Variants in RASGRP2 observed in about 807,000 individuals in gnomAD.
RASGRP2 encodes RAS guanyl releasing protein 2.
RASGRP2 carries 44 observed loss-of-function variants against 71.0 expected under a neutral mutation model. That is an observed-to-expected ratio of 0.62 (90% CI 0.49 to 0.80). The LOEUF (loss-of-function observed/expected upper bound fraction) is 0.80. RASGRP2 is among the 30% of genes least tolerant of loss of function. RASGRP2 has a pLI of 0.00. For synonymous variants in RASGRP2, 350 were observed against 330.7 expected (o/e 1.06, Z -0.63); for missense variants, 663 against 813.4 (o/e 0.82, Z 2.25).
chr11:64,733,566 C>T (rs1189752771), intron 12 of RASGRP2, among the ~76,000 whole-genome samples: 2 of 152,122 alleles, frequency 1.3e-5, no homozygotes, highest in Non-Finnish European at 2.9e-5. Flanking sequence ...CACCCACCAA[C>T]CCAGGGAGAA....
intron 3 of RASGRP2, among the ~76,000 whole-genome samples, chr11:64,741,727 A>C (rs1369783071): frequency 6.6e-6 from 1 of 151,950 alleles, no homozygotes; most frequent in Non-Finnish European, 1.5e-5. Flanking sequence ...GGAGAGAGAG[A>C]TGCACGGGGC....
Position 64,736,868 on chromosome 11 carries a change from G to C in RASGRP2, c.980C>G (p.Thr327Ser), listed in dbSNP as rs1272705632. ...ALPDWLDPAR[T>S]RLNGAKMKQL... is the part of the protein sequence containing the mutation. Reference sequence around the variant, plus strand: ...CTTCATCTTGGCCCCGTTGAGCCGGGTCCGGGCTGGGTCCAGCCAGTCAGG... The same window carrying C: ...CTTCATCTTGGCCCCGTTGAGCCGGCTCCGGGCTGGGTCCAGCCAGTCAGG... The change falls in exon 9 of 17, where the codon ACC becomes AGC. Residue 327 changes from threonine (T) to serine (S), a missense_variant. Transcript: ENST00000394432. 2 of 1,613,762 alleles carry C rather than the reference G, an allele frequency of 1.2e-6. No homozygotes were observed. Among genetic ancestry groups the C allele is most frequent in the Non-Finnish European group, 1.7e-6 (2 of 1,180,024 alleles).
In RASGRP2 at chr11:64,739,767, C is replaced by T. The variant is rs2058060461; in HGVS notation, c.565G>A (p.Asp189Asn). The T allele has an allele frequency of 6.2e-7, 1 of 1,613,910 alleles. No individual in the cohort carries two copies. Among genetic ancestry groups the T allele is most frequent in the South Asian group, 1.1e-5 (1 of 91,088 alleles). Residue 189 changes from aspartate to asparagine, a missense_variant, in exon 7 of 17, where the codon GAC becomes AAC. By Grantham distance (23) the Asp-to-Asn change is conservative (BLOSUM62 1). Transcript: ENST00000394432. The surrounding 1 kb of genome is among the most constrained non-coding windows in gnomAD (Gnocchi z 4.2). The part of the protein sequence containing the change: ...HSFVTHGCTV[D>N]NPVLERFISL... ...ATGAACCGCTCCAGGACGGGGTTGTCCACAGTGCAGCCATGAGTCACGAAA... is the reference window on the plus strand; with the variant it reads ...ATGAACCGCTCCAGGACGGGGTTGTTCACAGTGCAGCCATGAGTCACGAAA...
Position 64,727,288 on chromosome 11 carries a change from G to A in RASGRP2, c.*6+8C>T, listed in dbSNP as rs773976577. The A allele has an allele frequency of 1.9e-6, 3 of 1,613,126 alleles. No homozygotes were observed. The East Asian group carries it at 6.7e-5, about 36-fold the overall frequency. ...GGGAGCTCTGGTGCCAGCTGTGGGAGGACTCACCATCTATTACAAGTGGAT... is the reference window on the plus strand; with the variant it reads ...GGGAGCTCTGGTGCCAGCTGTGGGAAGACTCACCATCTATTACAAGTGGAT... On this transcript the variant is annotated splice_region_variant and intron_variant, in intron 16 of 16. Coordinates refer to ENST00000394432, the MANE Select transcript of RASGRP2 (RefSeq NM_001098671.2).
In RASGRP2 at chr11:64,742,835, C is replaced by G. The variant is rs759488586; in HGVS notation, c.32G>C (p.Cys11Ser). ...CCCGCGGAGCAGCTCCTCCACCGTG[C>G]AGCCCTTGTCCAGGTCCAGGGTGCC... MAGTLDLDKG[C>S]TVEELLRGCI... The change falls in exon 2 of 17, where the codon TGC becomes TCC. Residue 11 changes from cysteine to serine, a missense_variant. Cys to Ser is a moderately radical substitution (Grantham distance 112, BLOSUM62 -1). Coordinates refer to ENST00000394432, the MANE Select transcript of RASGRP2 (RefSeq NM_001098671.2). This position sits in a 1 kb window ranked among gnomAD's most constrained non-coding sequence, Gnocchi z 4.7. 18 of 1,606,872 alleles carry G rather than the reference C, an allele frequency of 1.1e-5. No individual in the cohort carries two copies. In the South Asian group the frequency reaches 2.0e-4, roughly 18 times the overall value.
At chr11:64,741,356 G>A (rs2058115102) in intron 4 of RASGRP2, 83 bp downstream of exon 4, 3 of 1,407,484 alleles carry the variant, frequency 2.1e-6, no homozygotes, top group Admixed American at 2.0e-5. Context: ...CAGAAACAGC[G>A]CCCTGCCCCC....
Position 64,736,610 on chromosome 11 carries a change from T to C in RASGRP2, c.1095+143A>G, listed in dbSNP as rs2057945430. ...CCAGAGCCTGGACCCCTTCTCAGCA[T>C]CCACTCCAAACCCCAGAGCCCACGC... On this transcript the variant is annotated intron_variant, in intron 9 of 16. Coordinates refer to ENST00000394432, the MANE Select transcript of RASGRP2 (RefSeq NM_001098671.2). 3 of 901,824 alleles carry C rather than the reference T, an allele frequency of 3.3e-6. No homozygotes were observed. The South Asian group carries it at 4.8e-5, about 15-fold the overall frequency. 55.9% of individuals were successfully genotyped at this position (901,824 alleles called of 1,614,324 possible).
At chr11:64,732,133 A>G (rs983697676) in intron 12 of RASGRP2, among the ~76,000 whole-genome samples, 2 of 152,238 alleles carry the variant, frequency 1.3e-5, no homozygotes, top group Non-Finnish European at 2.9e-5. Context: ...ATGAATCCAC[A>G]TGGAAAGATG....
chr11:64,727,633 C>T (rs2057614163), intron 15 of RASGRP2, among the ~76,000 whole-genome samples: 1 of 151,896 alleles, frequency 6.6e-6, no homozygotes, highest in Non-Finnish European at 1.5e-5. Context: ...GTGCCTCAGC[C>T]TCCCAAGTAG....
chr11:64,742,896 G>C lies in RASGRP2; in HGVS notation c.-30C>G. On this transcript the variant is annotated 5_prime_UTR_variant, in exon 2 of 17. Coordinates refer to ENST00000394432, the MANE Select transcript of RASGRP2 (RefSeq NM_001098671.2). The surrounding 1 kb of genome is among the most constrained non-coding windows in gnomAD (Gnocchi z 4.7). ...GCCGGCGCGGGGTGGGCTGGGCCCA[G>C]GCTGCGCTCCGGGAGCCTCCCACCG... 1.3e-6 allele frequency: 2 copies of C among 1,563,306 alleles called. No homozygotes were observed. Among genetic ancestry groups the C allele is most frequent in the Non-Finnish European group, 1.7e-6 (2 of 1,158,996 alleles).
At chr11:64,727,418 C>A in intron 15 of RASGRP2, 58 bp from the exon 16 acceptor site, 1 of 1,548,920 alleles carries the variant, frequency 6.5e-7, no homozygotes, top group Non-Finnish European at 8.9e-7. Context: ...CTTCATCAAC[C>A]CTTCCCCTCT....
Position 64,728,946 on chromosome 11 carries a change from G to A in RASGRP2, c.1688C>T (p.Ser563Leu). The part of the protein sequence containing the change: ...QSVSLEGSAP[S>L]PSPMHSHHHR... ...ATGGTGGCTGTGCATGGGTGAGGGT[G>A]AGGGTGCAGACCCCTCCAGGCTCAC... The change falls in exon 15 of 17, where the codon TCA becomes TTA. Residue 563 changes from serine (S) to leucine (L), a missense_variant. Physicochemically the swap from Ser to Leu is moderately radical, Grantham distance 145. Coordinates refer to ENST00000394432, the MANE Select transcript of RASGRP2 (RefSeq NM_001098671.2). 1.9e-6 allele frequency: 3 copies of A among 1,612,768 alleles called. No homozygotes were observed. The highest frequency in any genetic ancestry group is 2.5e-6 in the Non-Finnish European group (3 of 1,179,864).
At position 64,740,558 on chromosome 11, in the gene RASGRP2, C is replaced by T. The variant is rs147255106; in HGVS notation, c.371+390G>A. The T allele has an allele frequency of 5.2e-4, 339 of 651,820 alleles. 1 individual carries two copies. Among genetic ancestry groups the T allele is most frequent in the African/African-American group, 4.7e-3 (266 of 56,118 alleles). The allele number at this position is 651,820 out of a possible 1,614,324, so 40.4% of individuals were successfully genotyped here. A position where few individuals can be genotyped will look rare whatever the true frequency, so the allele number is the denominator to read the frequency against. On this transcript the variant is annotated intron_variant, in intron 5 of 16. Coordinates refer to ENST00000394432, the MANE Select transcript of RASGRP2 (RefSeq NM_001098671.2). ...GTGCCATGGAAAACAGAGGTGGGAA[C>T]GACAAATTCTACCCCGGAAGAGCCC...
intron 15 of RASGRP2, among the ~76,000 whole-genome samples, chr11:64,728,496 C>T (rs2057647248): frequency 6.6e-6 from 1 of 151,834 alleles, no homozygotes; most frequent in Non-Finnish European, 1.5e-5. Flanking sequence ...GGCGCGATCT[C>T]GGCTCACTGC....
chr11:64,737,793 C>T (rs1017743892), intron 8 of RASGRP2, among the ~76,000 whole-genome samples: 1 of 151,904 alleles, frequency 6.6e-6, no homozygotes, highest in African/African-American at 2.4e-5. Context: ...GTGGCTCACA[C>T]CTGTAATCCC....
At chr11:64,731,859 G>T (rs1290235992) in intron 12 of RASGRP2, among the ~76,000 whole-genome samples, 1 of 152,172 alleles carries the variant, frequency 6.6e-6, no homozygotes. Flanking sequence ...GTACAACCTT[G>T]TCTGAGGTCA....
At position 64,739,447 on chromosome 11, in the gene RASGRP2, C is replaced by T. The variant is rs1489232566; in HGVS notation, c.726G>A (p.Thr242=). 6.8e-6 allele frequency: 11 copies of T among 1,614,010 alleles called. No individual in the cohort carries two copies. Among genetic ancestry groups the T allele is most frequent in the Non-Finnish European group, 6.8e-6 (8 of 1,180,032 alleles). Residue 242 remains threonine (T), a synonymous_variant, in exon 8 of 17, where the codon ACG becomes ACA. Coordinates refer to ENST00000394432, the MANE Select transcript of RASGRP2 (RefSeq NM_001098671.2). This position sits in a 1 kb window ranked among gnomAD's most constrained non-coding sequence, Gnocchi z 4.2. Reference sequence around the variant, plus strand: ...TCAGGCCCCCGACCACTGCCATCAGCGTGTTGAAGTTCTGCAGCTGTAGCA... The same window carrying T: ...TCAGGCCCCCGACCACTGCCATCAGTGTGTTGAAGTTCTGCAGCTGTAGCA... The part of the protein sequence containing the change: ...EKLLQLQNFN[T]LMAVVGGLSH...
At chr11:64,731,055 G>A (rs1275474111) in intron 12 of RASGRP2, among the ~76,000 whole-genome samples, 1 of 152,090 alleles carries the variant, frequency 6.6e-6, no homozygotes, top group African/African-American at 2.4e-5. Context: ...AGGATAACTG[G>A]CTATCTGAAA....
At position 64,742,666 on chromosome 11, in the gene RASGRP2, A is replaced by T; in HGVS notation, c.73+128T>A. ...GTTGCGGAGGAGGCTTTCGTTAAAG[A>T]GACTGCACGCTGCGGAGCAGGGTGG... On this transcript the variant is annotated intron_variant, in intron 2 of 16. Coordinates refer to ENST00000394432, the MANE Select transcript of RASGRP2 (RefSeq NM_001098671.2). The surrounding 1 kb of genome is among the most constrained non-coding windows in gnomAD (Gnocchi z 4.7). 4 of 1,266,494 alleles carry T rather than the reference A, an allele frequency of 3.2e-6. No homozygotes were observed. Among genetic ancestry groups the T allele is most frequent in the Non-Finnish European group, 4.5e-6 (4 of 897,694 alleles). 78.5% of individuals were successfully genotyped at this position (1,266,494 alleles called of 1,614,324 possible). A position where few individuals can be genotyped will look rare whatever the true frequency, so the allele number is the denominator to read the frequency against.
Sources: gnomAD v4.1 joint callset for allele counts (sites outside exome capture counted in the v4.1 genomes callset) on GRCh38, gnomAD v4.1.1 for gene constraint, Gnocchi (gnomAD v3.1) non-coding constraint, MANE v1.5 for transcripts, NCBI Gene and HGNC (gene_info 2026-07-23, HGNC 2026-07-21) for gene names.